TMCO5A: variants seen among roughly 807,000 people sequenced by gnomAD.
TMCO5A encodes transmembrane and coiled-coil domain-containing protein 5A.
In TMCO5A, 34 loss-of-function variants were observed where a neutral mutation model predicts 42.3. That is an observed-to-expected ratio of 0.80 (90% CI 0.61 to 1.07). The LOEUF is 1.07. TMCO5A is among the 50% of genes least tolerant of loss of function. The pLI, the probability that TMCO5A is intolerant of heterozygous loss-of-function variation, is 0.00. For synonymous variants in TMCO5A, 131 were observed against 115.6 expected (o/e 1.13, Z -0.86); for missense variants, 357 against 327.9 (o/e 1.09, Z -0.69).
chr15:37,951,787 T>C (rs1890165987), downstream of TMCO5A, among the ~76,000 whole-genome samples: 1 of 152,072 alleles, frequency 6.6e-6, no homozygotes, highest in Non-Finnish European at 1.5e-5. Context: ...AAGCACCTTT[T>C]TAAGAATCAA....
At chr15:37,971,459 A>G (rs1890672390), downstream of TMCO5A, among the ~76,000 whole-genome samples, 1 of 152,196 alleles carries the variant, frequency 6.6e-6, no homozygotes, top group South Asian at 2.1e-4. Flanking sequence ...AAGACCTCTG[A>G]CATGCTTAGA....
intron 11 of TMCO5A, among the ~76,000 whole-genome samples, chr15:37,949,628 A>T (rs1213624112): frequency 1.3e-5 from 2 of 152,126 alleles, no homozygotes; most frequent in South Asian, 2.1e-4. Context: ...CAGGGAAAAA[A>T]ATGGTTATCT....
At chr15:37,989,632 A>G in the TMCO5A span, among the ~76,000 whole-genome samples, 22 of 152,046 alleles carry the variant, frequency 1.4e-4, no homozygotes, top group South Asian at 3.9e-3. Flanking sequence ...TTCTTCCTTC[A>G]TCCCACTATA....
At chr15:37,980,580 T>A in the TMCO5A span, among the ~76,000 whole-genome samples, 1 of 135,622 alleles carries the variant, frequency 7.4e-6, no homozygotes, top group Non-Finnish European at 1.5e-5. Flanking sequence ...TATTCGCCAC[T>A]CTTTCTCCTC....
At chr15:38,025,539 T>C in the TMCO5A span, among the ~76,000 whole-genome samples, 1 of 152,200 alleles carries the variant, frequency 6.6e-6, no homozygotes, top group Non-Finnish European at 1.5e-5. Context: ...ACAACTACTC[T>C]ATCATCCTGG....
At chr15:37,937,226 T>C (rs948973091) in intron 4 of TMCO5A, 120 bp from the exon 5 acceptor site, 2 of 1,244,360 alleles carry the variant, frequency 1.6e-6, no homozygotes, top group African/African-American at 3.0e-5. Context: ...CACATGACAT[T>C]ATGCAAATAA....
At chr15:37,973,417 C>T in the TMCO5A span, among the ~76,000 whole-genome samples, 2 of 151,976 alleles carry the variant, frequency 1.3e-5, no homozygotes, top group Non-Finnish European at 2.9e-5. Context: ...TTCTTCCTAC[C>T]CATAAGCATT....
chr15:37,985,099 C>T, the TMCO5A span, among the ~76,000 whole-genome samples: 1 of 150,864 alleles, frequency 6.6e-6, no homozygotes, highest in Non-Finnish European at 1.5e-5. Flanking sequence ...GGGGATGGAG[C>T]AAGGCAATCT....
the TMCO5A span, among the ~76,000 whole-genome samples, chr15:37,995,717 G>C: frequency 1.2e-4 from 19 of 152,066 alleles, no homozygotes; most frequent in Non-Finnish European, 2.5e-4. Flanking sequence ...TATATGGCAC[G>C]GCTGCAAAAA....
chr15:37,976,395 A>C, the TMCO5A span, among the ~76,000 whole-genome samples: 8 of 151,950 alleles, frequency 5.3e-5, no homozygotes, highest in Non-Finnish European at 1.0e-4. Context: ...GGGGATAGTC[A>C]TCTTGTACAG....
At chr15:38,008,042 CCTG>C in the TMCO5A span, among the ~76,000 whole-genome samples, 1 of 151,714 alleles carries the variant, frequency 6.6e-6, no homozygotes, top group Non-Finnish European at 1.5e-5. Flanking sequence ...ACTACAGGCG[CCTG>C]CCACCACGCC....
chr15:37,987,448 C>T, the TMCO5A span, among the ~76,000 whole-genome samples: 3 of 151,814 alleles, frequency 2.0e-5, no homozygotes, highest in African/African-American at 7.2e-5. Flanking sequence ...GGTGCTATAT[C>T]TAAAAAATTG....
At chr15:37,954,313 G>T (rs1379460992), downstream of TMCO5A, among the ~76,000 whole-genome samples, 2 of 151,886 alleles carry the variant, frequency 1.3e-5, no homozygotes, top group African/African-American at 4.8e-5. Flanking sequence ...CAAGAGAAAA[G>T]AAAAAAATAA....
chr15:37,937,076 C>G, intron 4 of TMCO5A, 106 bp downstream of exon 4: 1 of 1,488,700 alleles, frequency 6.7e-7, no homozygotes, highest in South Asian at 1.3e-5. Flanking sequence ...TGAACAGTAG[C>G]CATCTCAAAA....
chr15:37,949,353 A>C (rs1890079453), intron 11 of TMCO5A, among the ~76,000 whole-genome samples: 1 of 152,188 alleles, frequency 6.6e-6, no homozygotes, highest in Non-Finnish European at 1.5e-5. Flanking sequence ...AATAATTCTA[A>C]AATATACTCT....
chr15:38,018,247 CA>C, the TMCO5A span, among the ~76,000 whole-genome samples: 3 of 152,070 alleles, frequency 2.0e-5, no homozygotes, highest in Non-Finnish European at 4.4e-5. Flanking sequence ...AGAAAGTCAA[CA>C]GGCTAAGAGA....
the TMCO5A span, among the ~76,000 whole-genome samples, chr15:37,982,172 C>T: frequency 6.6e-6 from 1 of 152,142 alleles, no homozygotes; most frequent in Admixed American, 6.5e-5. Flanking sequence ...ATGTGGAAAA[C>T]AGATAGATGT....
chr15:38,025,353 A>C, the TMCO5A span, among the ~76,000 whole-genome samples: 1 of 152,060 alleles, frequency 6.6e-6, no homozygotes, highest in East Asian at 1.9e-4. Context: ...TGGTGCTTTC[A>C]AGTCAATGGC....
chr15:37,950,301 AT>A (rs1890114789), intron 11 of TMCO5A, among the ~76,000 whole-genome samples: 3 of 152,108 alleles, frequency 2.0e-5, no homozygotes, highest in Non-Finnish European at 2.9e-5. Context: ...GGGATAGGGA[AT>A]TTTTTTAAAA....
Sources: gnomAD v4.1 joint callset for allele counts (sites outside exome capture counted in the v4.1 genomes callset) on GRCh38, gnomAD v4.1.1 for gene constraint, MANE v1.5 for transcripts, NCBI Gene and HGNC (gene_info 2026-07-23, HGNC 2026-07-21) for gene names.